XKR9: variants seen among roughly 807,000 people sequenced by gnomAD.
XKR9 encodes the protein XK related 9.
Under a neutral mutation model 32.0 loss-of-function variants are expected in XKR9, and 32 were observed. That is an observed-to-expected ratio of 1.00 (90% CI 0.76 to 1.34). The LOEUF (loss-of-function observed/expected upper bound fraction) is 1.34, where lower values mean the gene tolerates loss of function less well. Ranked by LOEUF, XKR9 falls within the 40% of genes most tolerant of loss-of-function variation. The pLI, the probability that XKR9 is intolerant of heterozygous loss-of-function variation, is 0.00. For synonymous variants in XKR9, 168 were observed against 143.4 expected, an observed-to-expected ratio of 1.17 and a Z score of -1.22; for missense variants, 546 against 429.7, an observed-to-expected ratio of 1.27 and a Z score of -2.39.
intron 2 of XKR9, among the ~76,000 whole-genome samples, chr8:70,776,387 A>G (rs1449047912): frequency 6.6e-6 from 1 of 152,096 alleles, no homozygotes; most frequent in Non-Finnish European, 1.5e-5. Flanking sequence ...AAGTGTCTGT[A>G]GGATCTTAGT....
At chr8:71,011,433 C>T in the XKR9 span, among the ~76,000 whole-genome samples, 1 of 152,270 alleles carries the variant, frequency 6.6e-6, no homozygotes, top group South Asian at 2.1e-4. Context: ...AATCTTAGTG[C>T]TGAGCACAGA....
chr8:71,032,519 TG>T, the XKR9 span, among the ~76,000 whole-genome samples: 1 of 152,066 alleles, frequency 6.6e-6, no homozygotes, highest in Non-Finnish European at 1.5e-5. Context: ...TAGACAGATT[TG>T]GGAGAGCTCA....
the XKR9 span, among the ~76,000 whole-genome samples, chr8:70,881,089 T>A: frequency 6.6e-6 from 1 of 152,078 alleles, no homozygotes; most frequent in South Asian, 2.1e-4. Flanking sequence ...TGAAACTGGA[T>A]CCCTTCCTTC....
chr8:70,929,894 C>T, the XKR9 span, among the ~76,000 whole-genome samples: 1 of 152,200 alleles, frequency 6.6e-6, no homozygotes, highest in Non-Finnish European at 1.5e-5. Context: ...TGCAAAGTCC[C>T]TTCACAGAAG....
At chr8:70,692,517 C>A (rs1230129572) in intron 3 of XKR9, among the ~76,000 whole-genome samples, 2 of 152,014 alleles carry the variant, frequency 1.3e-5, no homozygotes, top group Non-Finnish European at 2.9e-5. Flanking sequence ...GGGAATGCTT[C>A]CAGCTTTTGC....
chr8:70,951,857 A>T, the XKR9 span, among the ~76,000 whole-genome samples: 1 of 148,072 alleles, frequency 6.8e-6, no homozygotes, highest in African/African-American at 2.5e-5. Context: ...AGGGGTCTCC[A>T]TAGCATCATT....
downstream of XKR9, among the ~76,000 whole-genome samples, chr8:70,740,350 A>T (rs1046921787): frequency 6.6e-6 from 1 of 151,918 alleles, no homozygotes; most frequent in Non-Finnish European, 1.5e-5. Flanking sequence ...TGTATTGGTT[A>T]TTCTAGTTAT....
chr8:70,732,889 G>C (rs1806719244), intron 4 of XKR9, among the ~76,000 whole-genome samples: 3 of 152,190 alleles, frequency 2.0e-5, no homozygotes, highest in African/African-American at 7.2e-5. Context: ...AGGCTGAGCT[G>C]GGTGGATCAA....
At chr8:71,044,806 T>C in the XKR9 span, among the ~76,000 whole-genome samples, 1 of 152,222 alleles carries the variant, frequency 6.6e-6, no homozygotes, top group African/African-American at 2.4e-5. Flanking sequence ...TAAATAGGCA[T>C]GTATGTAAAT....
chr8:71,024,171 A>G, the XKR9 span, among the ~76,000 whole-genome samples: 1 of 152,228 alleles, frequency 6.6e-6, no homozygotes. Flanking sequence ...GGCAGTGGAC[A>G]GGGATCAGGG....
At chr8:70,698,802 A>G (rs1377817260) in intron 3 of XKR9, among the ~76,000 whole-genome samples, 2 of 152,014 alleles carry the variant, frequency 1.3e-5, no homozygotes, top group African/African-American at 2.4e-5. Context: ...GTCTCCCATT[A>G]TTATTGTGTG....
the XKR9 span, among the ~76,000 whole-genome samples, chr8:71,015,494 T>C: frequency 6.6e-6 from 1 of 152,136 alleles, no homozygotes; most frequent in African/African-American, 2.4e-5. Flanking sequence ...CCTCAGAAAA[T>C]AGCTCTACAT....
At chr8:70,856,240 A>G in the XKR9 span, among the ~76,000 whole-genome samples, 5 of 152,192 alleles carry the variant, frequency 3.3e-5, no homozygotes, top group African/African-American at 7.2e-5. Context: ...ACCATCTCAC[A>G]TGCAGAGACA....
At chr8:70,965,375 T>C in the XKR9 span, among the ~76,000 whole-genome samples, 1 of 152,218 alleles carries the variant, frequency 6.6e-6, no homozygotes, top group African/African-American at 2.4e-5. Context: ...GATTTTTGCG[T>C]TGATGTTTAT....
intron 2 of XKR9, among the ~76,000 whole-genome samples, chr8:70,761,028 G>C (rs148209864): frequency 2.0e-5 from 3 of 152,078 alleles, no homozygotes; most frequent in Non-Finnish European, 4.4e-5. Context: ...CCATGTTTCC[G>C]CAAAAGACAT....
At chr8:70,972,768 T>C in the XKR9 span, among the ~76,000 whole-genome samples, 1 of 152,300 alleles carries the variant, frequency 6.6e-6, no homozygotes, top group Non-Finnish European at 1.5e-5. Context: ...ATCACATTTA[T>C]TGACTTATGA....
chr8:70,812,510 T>C, the XKR9 span, among the ~76,000 whole-genome samples: 1 of 152,178 alleles, frequency 6.6e-6, no homozygotes, highest in Non-Finnish European at 1.5e-5. Flanking sequence ...TTGTCCCTGT[T>C]TGCAGATGAC....
intron 2 of XKR9, among the ~76,000 whole-genome samples, chr8:70,769,947 G>A (rs779248468): frequency 9.9e-5 from 15 of 152,062 alleles, no homozygotes; most frequent in South Asian, 2.1e-4. Flanking sequence ...CTGTCAATTC[G>A]TCAAACTCAT....
the XKR9 span, among the ~76,000 whole-genome samples, chr8:70,882,113 G>A: frequency 1.3e-5 from 2 of 151,974 alleles, no homozygotes; most frequent in African/African-American, 4.8e-5. Context: ...GGGCCTGTTG[G>A]TGGTGGGGGG....
Sources: gnomAD v4.1 joint callset for allele counts (sites outside exome capture counted in the v4.1 genomes callset) on GRCh38, gnomAD v4.1.1 for gene constraint, MANE v1.5 for transcripts, NCBI Gene and HGNC (gene_info 2026-07-23, HGNC 2026-07-21) for gene names.